The following CAMTA1 variants were observed in gnomAD, a reference collection of about 807,000 sequenced individuals.
The protein encoded by CAMTA1 is calmodulin binding transcription activator 1, also known as calmodulin-binding transcription activator 1.
CAMTA1 carries 27 observed loss-of-function variants against 170.9 expected under a neutral mutation model. The ratio of observed to expected loss-of-function variants is 0.16; its 90% confidence interval spans 0.12 to 0.22. The LOEUF (loss-of-function observed/expected upper bound fraction) is 0.22. CAMTA1 is among the 10% of genes least tolerant of loss of function. The probability of loss-of-function intolerance (pLI) is 1.00; values close to 1 mark genes in which losing one functional copy is unlikely to be tolerated. For missense variants in CAMTA1, 1,619 were observed against 2,217.2 expected, an observed-to-expected ratio of 0.73 and a Z score of 5.42; for synonymous variants, 833 against 891.5, an observed-to-expected ratio of 0.93 and a Z score of 1.17.
At chr1:7,053,488 A>G (rs768117272) in intron 3 of CAMTA1, among the ~76,000 whole-genome samples, 5 of 152,200 alleles carry the variant, frequency 3.3e-5, no homozygotes, top group Admixed American at 6.5e-5. Flanking sequence ...CCTTGTTAGA[A>G]TGAGCGTCAG....
chr1:6,963,361 C>T (rs1207757575), intron 3 of CAMTA1, among the ~76,000 whole-genome samples: 1 of 142,550 alleles, frequency 7.0e-6, no homozygotes, highest in Non-Finnish European at 1.5e-5. Context: ...CCCGCGCCGC[C>T]CCTCTGGAGC....
chr1:7,378,001 A>G (rs1281707839), intron 5 of CAMTA1, among the ~76,000 whole-genome samples: 4 of 152,220 alleles, frequency 2.6e-5, no homozygotes, highest in Non-Finnish European at 4.4e-5. Flanking sequence ...GGCTTTTCCA[A>G]GACTATGGCG....
At chr1:7,149,597 C>T (rs1245187924) in intron 4 of CAMTA1, among the ~76,000 whole-genome samples, 1 of 152,130 alleles carries the variant, frequency 6.6e-6, no homozygotes, top group Non-Finnish European at 1.5e-5. Context: ...GAGCTGATTT[C>T]CATGAAGGCG....
At chr1:7,174,106 A>G (rs1455114281) in intron 4 of CAMTA1, among the ~76,000 whole-genome samples, 1 of 151,930 alleles carries the variant, frequency 6.6e-6, no homozygotes, top group Non-Finnish European at 1.5e-5. Context: ...CTGAGGAAAA[A>G]CAGCTGATCA....
chr1:7,006,340 A>C (rs1699004919), intron 3 of CAMTA1, among the ~76,000 whole-genome samples: 2 of 152,210 alleles, frequency 1.3e-5, no homozygotes, highest in Admixed American at 6.5e-5. Context: ...TATAAAGTAC[A>C]TAAAAGCAGA....
At chr1:7,316,450 A>T (rs1255314563) in intron 5 of CAMTA1, among the ~76,000 whole-genome samples, 2 of 152,244 alleles carry the variant, frequency 1.3e-5, no homozygotes, top group Non-Finnish European at 2.9e-5. Context: ...AGATTAAAAG[A>T]GATAACACAA....
intron 4 of CAMTA1, among the ~76,000 whole-genome samples, chr1:7,120,585 G>A (rs1447530521): frequency 6.6e-6 from 1 of 152,218 alleles, no homozygotes; most frequent in African/African-American, 2.4e-5. Flanking sequence ...TTCTGTTGGT[G>A]AGAAGCAAAG....
chr1:7,408,095 C>T (rs1199763605), intron 5 of CAMTA1, among the ~76,000 whole-genome samples: 3 of 152,190 alleles, frequency 2.0e-5, no homozygotes, highest in Non-Finnish European at 4.4e-5. Context: ...CCGCCTGCTC[C>T]GTCCAGGAGG....
rs552234578 is a variant in CAMTA1, at chr1:7,486,673, G to C, written c.510+18772G>C. 1.5e-4 allele frequency among the ~76,000 whole-genome samples: 23 copies of C among 152,324 alleles called. No homozygotes were observed. The South Asian group carries it at 3.9e-3, about 26-fold the overall frequency. ...AGGCTTAGCTAATCTCAGGCTCCCT[G>C]TCTGTCCTGTGTCCGGGATGACCCA... On this transcript the variant is annotated intron_variant, in intron 6 of 22. Transcript: ENST00000303635.
At chr1:7,615,064 T>C (rs2095550233) in intron 6 of CAMTA1, among the ~76,000 whole-genome samples, 1 of 152,214 alleles carries the variant, frequency 6.6e-6, no homozygotes, top group African/African-American at 2.4e-5. Flanking sequence ...CATTCGTTCA[T>C]GTGTGTATTC....
intron 3 of CAMTA1, among the ~76,000 whole-genome samples, chr1:6,915,718 C>T (rs1052104707): frequency 1.3e-5 from 2 of 152,192 alleles, no homozygotes; most frequent in Non-Finnish European, 2.9e-5. Flanking sequence ...GCCCTGTCAG[C>T]CATGGCCACT....
rs531490688 is a variant in CAMTA1, at chr1:6,918,981, C to T, written c.234+93771C>T. Reference sequence around the variant, plus strand: ...GCAAGCTAGAAGCCAAAGAGCTGAACATTGGAAGGCCTCCTTACCATTTTT... The same window carrying T: ...GCAAGCTAGAAGCCAAAGAGCTGAATATTGGAAGGCCTCCTTACCATTTTT... On this transcript the variant is annotated intron_variant, in intron 3 of 22. Coordinates refer to ENST00000303635, the MANE Select transcript of CAMTA1 (RefSeq NM_015215.4). This position sits in a 1 kb window ranked among gnomAD's most constrained non-coding sequence, Gnocchi z 4.0. 1.3e-5 allele frequency among the ~76,000 whole-genome samples: 2 copies of T among 152,328 alleles called. No individual in the cohort carries two copies. Among genetic ancestry groups the T allele is most frequent in the African/African-American group, 4.8e-5 (2 of 41,590 alleles).
chr1:6,896,457 G>C (rs1456605711), intron 3 of CAMTA1, among the ~76,000 whole-genome samples: 1 of 152,156 alleles, frequency 6.6e-6, no homozygotes, highest in Non-Finnish European at 1.5e-5. Context: ...CCTGTGGCGT[G>C]TCTGGCCGGG....
intron 6 of CAMTA1, among the ~76,000 whole-genome samples, chr1:7,601,125 C>T (rs1414598516): frequency 2.7e-5 from 4 of 149,492 alleles, no homozygotes; most frequent in Admixed American, 6.6e-5. Flanking sequence ...ACCCCCCCAC[C>T]TCCCTCCCGG....
rs745442274 is a variant in CAMTA1 at position 7,737,586 on chromosome 1, C to G, written c.3658+16C>G. The G allele has an allele frequency of 6.3e-7, 1 of 1,588,478 alleles. No homozygotes were observed. The highest frequency in any genetic ancestry group is 8.6e-7 in the Non-Finnish European group (1 of 1,165,364). On this transcript the variant is annotated intron_variant, in intron 15 of 22. Transcript: ENST00000303635. ...ACCAACCCAGGTAAGAATTCAGAAT[C>G]ATGACATCTCAGAGCTTGACAGAGA...
intron 4 of CAMTA1, among the ~76,000 whole-genome samples, chr1:7,155,747 G>T (rs752204657): frequency 6.6e-6 from 1 of 152,128 alleles, no homozygotes; most frequent in East Asian, 1.9e-4. Context: ...GAGGTCTTGA[G>T]CAAGGCCGCC....
At chr1:7,690,990 G>A (rs765714948) in intron 11 of CAMTA1, among the ~76,000 whole-genome samples, 6 of 152,224 alleles carry the variant, frequency 3.9e-5, no homozygotes, top group Non-Finnish European at 7.3e-5. Context: ...GTCACGTGAT[G>A]AGTATCAGAA....
At chr1:7,128,157 C>T (rs1230528909) in intron 4 of CAMTA1, among the ~76,000 whole-genome samples, 6 of 152,178 alleles carry the variant, frequency 3.9e-5, no homozygotes, top group East Asian at 1.9e-4. Context: ...GAATCAAGTG[C>T]GTCCGGTGTG....
At chr1:6,967,782 A>C (rs1314243236) in intron 3 of CAMTA1, among the ~76,000 whole-genome samples, 2 of 152,200 alleles carry the variant, frequency 1.3e-5, no homozygotes, top group Non-Finnish European at 2.9e-5. Context: ...GAGGAGGCAC[A>C]GTGGGCTTCT....
Sources: gnomAD v4.1 joint callset for allele counts (sites outside exome capture counted in the v4.1 genomes callset) on GRCh38, gnomAD v4.1.1 for gene constraint, Gnocchi (gnomAD v3.1) non-coding constraint, MANE v1.5 for transcripts, NCBI Gene and HGNC (gene_info 2026-07-23, HGNC 2026-07-21) for gene names.